The following NXPH1 variants were observed in gnomAD, a reference collection of about 807,000 sequenced individuals.
NXPH1 encodes neurexophilin-1.
NXPH1 carries 5 observed loss-of-function variants against 23.7 expected under a neutral mutation model. That is an observed-to-expected ratio of 0.21 (90% confidence interval 0.11 to 0.44). The LOEUF (loss-of-function observed/expected upper bound fraction) is 0.44, where lower values mean the gene tolerates loss of function less well. NXPH1 is among the 20% of genes least tolerant of loss of function. NXPH1 has a pLI of 0.99. For synonymous variants in NXPH1, 144 were observed against 122.2 expected (o/e 1.18, Z -1.18); for missense variants, 324 against 321.6 (o/e 1.01, Z -0.06).
intron 2 of NXPH1, among the ~76,000 whole-genome samples, chr7:8,462,645 C>T (rs938879784): frequency 6.6e-6 from 1 of 152,146 alleles, no homozygotes; most frequent in African/African-American, 2.4e-5. Flanking sequence ...ACATTATTTT[C>T]AGTTTTATGG....
intron 2 of NXPH1, among the ~76,000 whole-genome samples, chr7:8,515,919 CCTT>C (rs1207324231): frequency 6.6e-6 from 1 of 152,096 alleles, no homozygotes; most frequent in Non-Finnish European, 1.5e-5. Context: ...CTAAATCTTC[CCTT>C]CTTCTGTTCT....
rs977981221 is a variant in NXPH1 at position 8,543,017 on chromosome 7, C to T, written c.54+107250C>T. On this transcript the variant is annotated intron_variant, in intron 2 of 2. Coordinates refer to ENST00000405863, the MANE Select transcript of NXPH1 (RefSeq NM_152745.3). The stretch of plus-strand genomic sequence containing the variant: ...CTGAAAACACTTTTCCTTCAGACAA[C>T]ATTTAAATTGAATTTACATGCATTT... 2.0e-5 allele frequency among the ~76,000 whole-genome samples: 3 copies of T among 151,584 alleles called. No homozygotes were observed. In the East Asian group the frequency reaches 5.8e-4, roughly 29 times the overall value.
chr7:8,655,868 T>C (rs1251809440), intron 2 of NXPH1, among the ~76,000 whole-genome samples: 1 of 152,180 alleles, frequency 6.6e-6, no homozygotes, highest in Admixed American at 6.5e-5. Flanking sequence ...TGAAAATCTT[T>C]CCTTGATCTC....
Position 8,751,133 on chromosome 7 carries a change from A to C in NXPH1, c.180A>C (p.Ser60=). The C allele has an allele frequency of 6.2e-7, 1 of 1,613,858 alleles. No homozygotes were observed. Among genetic ancestry groups the C allele is most frequent in the South Asian group, 1.1e-5 (1 of 91,090 alleles). Residue 60 remains serine, a synonymous_variant, in exon 3 of 3, where the codon TCA becomes TCC. Transcript: ENST00000405863. The surrounding 1 kb of genome is among the most constrained non-coding windows in gnomAD (Gnocchi z 4.5). ...ACTTGTCTATCAGCCGACTCCTGTC[A>C]CAGACTTTTCGTGGCAAAGAGAATG... The part of the protein sequence containing the change: ...SKDLSISRLL[S]QTFRGKENDT...
At chr7:8,716,090 G>A (rs184302626) in intron 2 of NXPH1, among the ~76,000 whole-genome samples, 2,413 of 152,206 alleles carry the variant, frequency 0.016, 25 homozygotes, top group Non-Finnish European at 0.024. Context: ...CAGATAAGGT[G>A]AAAAAGCCAG....
chr7:8,446,296 G>A (rs6978943), intron 2 of NXPH1, among the ~76,000 whole-genome samples: 3 of 151,860 alleles, frequency 2.0e-5, no homozygotes, highest in Non-Finnish European at 4.4e-5. Flanking sequence ...TGTACTTGAC[G>A]TGTTTTGAAA....
Position 8,442,134 on chromosome 7 carries a change from A to G in NXPH1, c.54+6367A>G, listed in dbSNP as rs2128604274. 6.6e-6 allele frequency among the ~76,000 whole-genome samples: 1 copy of G among 152,194 alleles called. No homozygotes were observed. ...GCCACGGCTTACGAAAAGCTTTCCT[A>G]GCTCCTTCTTCCTATAAATTAATGA... On this transcript the variant is annotated intron_variant, in intron 2 of 2. Transcript: ENST00000405863. The surrounding 1 kb of genome is among the most constrained non-coding windows in gnomAD (Gnocchi z 4.6).
At position 8,661,700 on chromosome 7, in the gene NXPH1, A is replaced by T. The variant is rs868716291; in HGVS notation, c.55-89308A>T. ...TATGACTTTGGTTCAATTATATCCC[A>T]GATATCCCAAATCTGTAGAAATAAC... On this transcript the variant is annotated intron_variant, in intron 2 of 2. Coordinates refer to ENST00000405863, the MANE Select transcript of NXPH1 (RefSeq NM_152745.3). Among the ~76,000 whole-genome samples the T allele has an allele frequency of 1.1e-4, 17 of 152,290 alleles. 1 individual carries two copies. The Middle Eastern group carries it at 0.01, about 91-fold the overall frequency.
chr7:8,661,387 A>G (rs547691124), intron 2 of NXPH1, among the ~76,000 whole-genome samples: 2 of 152,282 alleles, frequency 1.3e-5, no homozygotes, highest in East Asian at 1.9e-4. Flanking sequence ...TTCTCAAAAT[A>G]GTTCAACCTA....
At chr7:8,561,351 G>GACACACACACACACAC (rs61219039) in intron 2 of NXPH1, among the ~76,000 whole-genome samples, 3,505 of 140,890 alleles carry the variant, frequency 0.025, 68 homozygotes, top group South Asian at 0.032. Context: ...AAGCCTATGT[G>GACACACACACACACAC]ACACACACAC....
At chr7:8,439,425 C>G (rs1816253720) in intron 2 of NXPH1, among the ~76,000 whole-genome samples, 1 of 152,112 alleles carries the variant, frequency 6.6e-6, no homozygotes, top group South Asian at 2.1e-4. Context: ...GTCTAATGAG[C>G]ACTTTCTGAG....
rs1041052503 is a variant in NXPH1, at chr7:8,751,104, A to C, written c.151A>C (p.Lys51Gln). 6.2e-7 allele frequency: 1 copy of C among 1,613,878 alleles called. No homozygotes were observed. The highest frequency in any genetic ancestry group is 8.5e-7 in the Non-Finnish European group (1 of 1,179,798). Residue 51 changes from lysine to glutamine, a missense_variant, in exon 3 of 3, where the codon AAA becomes CAA. Lys to Gln is a moderately conservative substitution (Grantham distance 53). Transcript: ENST00000405863. This position sits in a 1 kb window ranked among gnomAD's most constrained non-coding sequence, Gnocchi z 4.5. ...TLKHIWTESS[K>Q]DLSISRLLSQ... ...AAAGCACATATGGACAGAAAGCAGCAAAGACTTGTCTATCAGCCGACTCCT... is the reference window on the plus strand; with the variant it reads ...AAAGCACATATGGACAGAAAGCAGCCAAGACTTGTCTATCAGCCGACTCCT...
chr7:8,665,921 T>TG (rs1309477091), intron 2 of NXPH1, among the ~76,000 whole-genome samples: 1 of 149,532 alleles, frequency 6.7e-6, no homozygotes. Context: ...TCTTTTTCTT[T>TG]TTTTTTTTTT....
At chr7:8,497,769 T>A (rs1304240080) in intron 2 of NXPH1, among the ~76,000 whole-genome samples, 1 of 152,204 alleles carries the variant, frequency 6.6e-6, no homozygotes, top group Non-Finnish European at 1.5e-5. Flanking sequence ...ATTAGCCCTT[T>A]GTCAGATGGG....
At position 8,435,313 on chromosome 7, in the gene NXPH1, C is replaced by T. The variant is rs1816171142; in HGVS notation, c.-110-291C>T. On this transcript the variant is annotated intron_variant, in intron 1 of 2. Transcript: ENST00000405863. This position sits in a 1 kb window ranked among gnomAD's most constrained non-coding sequence, Gnocchi z 5.9. ...CTGCCGGAGAAGCCTGGGCTCCGAA[C>T]CAGCCTGCACGCGGCTCAGTGTGCT... is the stretch of plus-strand genomic sequence containing the variant. 7.1e-6 allele frequency: 2 copies of T among 281,978 alleles called. No individual in the cohort carries two copies. Among genetic ancestry groups the T allele is most frequent in the South Asian group, 4.2e-5 (1 of 24,020 alleles). The allele number at this position is 281,978 out of a possible 1,614,324, so 17.5% of individuals were successfully genotyped here.
chr7:8,465,681 A>G (rs117674139), intron 2 of NXPH1, among the ~76,000 whole-genome samples: 3,915 of 152,326 alleles, frequency 0.026, 77 homozygotes, highest in Middle Eastern at 0.044. Flanking sequence ...CCCTGGTGGC[A>G]CTTACACTTA....
intron 2 of NXPH1, among the ~76,000 whole-genome samples, chr7:8,632,652 T>C (rs1332150960): frequency 6.6e-6 from 1 of 152,224 alleles, no homozygotes; most frequent in Non-Finnish European, 1.5e-5. Flanking sequence ...TCCTCAAAGA[T>C]GGCAGCTGTG....
chr7:8,711,693 T>G (rs7794575), intron 2 of NXPH1, among the ~76,000 whole-genome samples: 81,997 of 152,064 alleles, frequency 0.54, 23,258 homozygotes, highest in East Asian at 0.88. Flanking sequence ...TGCATACATA[T>G]GTATGTGAGG....
intron 2 of NXPH1, among the ~76,000 whole-genome samples, chr7:8,678,700 GT>G (rs1820995012): frequency 6.6e-6 from 1 of 151,790 alleles, no homozygotes; most frequent in Admixed American, 6.6e-5. Context: ...CTTCCTATTA[GT>G]TGCTGCTCGT....
Sources: gnomAD v4.1 joint callset for allele counts (sites outside exome capture counted in the v4.1 genomes callset) on GRCh38, gnomAD v4.1.1 for gene constraint, Gnocchi (gnomAD v3.1) non-coding constraint, MANE v1.5 for transcripts, NCBI Gene and HGNC (gene_info 2026-07-23, HGNC 2026-07-21) for gene names.